The following FOCAD variants were observed in gnomAD, a reference collection of about 807,000 sequenced individuals.
FOCAD encodes the protein focadhesin.
In FOCAD, 198 loss-of-function variants were observed where a neutral mutation model predicts 225.6. The ratio of observed to expected loss-of-function variants is 0.88; its 90% CI spans 0.78 to 0.99. The LOEUF (loss-of-function observed/expected upper bound fraction) is 0.99, where lower values mean the gene tolerates loss of function less well. Ranked by LOEUF, FOCAD falls within the 50% of genes least tolerant of loss-of-function variation. The pLI is 0.00. For missense variants in FOCAD, 2,713 were observed against 2,123.6 expected, an observed-to-expected ratio of 1.28 and a Z score of -5.46; for synonymous variants, 897 against 755.0, an observed-to-expected ratio of 1.19 and a Z score of -3.08.
intron 10 of FOCAD, among the ~76,000 whole-genome samples, chr9:20,788,303 T>G (rs755996922): frequency 2.6e-4 from 40 of 152,120 alleles, no homozygotes; most frequent in Admixed American, 7.9e-4. Context: ...GGAGGAGGGT[T>G]GGGGGAGTAA....
At chr9:20,728,603 C>T (rs1826409570) in intron 4 of FOCAD, among the ~76,000 whole-genome samples, 3 of 152,110 alleles carry the variant, frequency 2.0e-5, no homozygotes, top group Admixed American at 2.0e-4. Flanking sequence ...ATTGTGGCAC[C>T]TTTTTGCATT....
At chr9:20,968,142 G>A (rs557849971) in intron 35 of FOCAD, among the ~76,000 whole-genome samples, 24 of 151,924 alleles carry the variant, frequency 1.6e-4, no homozygotes, top group African/African-American at 4.8e-4. Context: ...ACTTGTTATA[G>A]GTCTGTTAAA....
intron 5 of FOCAD, among the ~76,000 whole-genome samples, chr9:20,747,937 C>T (rs1828199803): frequency 6.7e-6 from 1 of 150,330 alleles, no homozygotes; most frequent in African/African-American, 2.4e-5. Context: ...TATCTACATA[C>T]ATTTCATTAT....
chr9:20,700,117 TAATAG>T (rs1823819060), intron 1 of FOCAD, among the ~76,000 whole-genome samples: 1 of 151,908 alleles, frequency 6.6e-6, no homozygotes, highest in Non-Finnish European at 1.5e-5. Flanking sequence ...GCTAGCTGTA[TAATAG>T]AAGATTAGTA....
chr9:20,769,655 A>T (rs1051026264), intron 7 of FOCAD, among the ~76,000 whole-genome samples: 1 of 152,244 alleles, frequency 6.6e-6, no homozygotes, highest in Non-Finnish European at 1.5e-5. Context: ...ACTATCAGGT[A>T]TCTATGTTGG....
chr9:20,855,048 T>C (rs1015602673), intron 15 of FOCAD, among the ~76,000 whole-genome samples: 2 of 151,700 alleles, frequency 1.3e-5, no homozygotes, highest in African/African-American at 4.8e-5. Flanking sequence ...TTTTTTAATT[T>C]AAAAGGAAAA....
intron 22 of FOCAD, 107 bp from the exon 23 acceptor site, chr9:20,912,759 A>C (rs1833541793): frequency 2.4e-6 from 2 of 819,790 alleles, no homozygotes; most frequent in African/African-American, 3.4e-5. Context: ...TCTTACCCAG[A>C]ACACTTAAGG....
intron 37 of FOCAD, 36 bp downstream of exon 37, chr9:20,978,490 A>T: frequency 1.4e-6 from 2 of 1,398,532 alleles, no homozygotes; most frequent in Middle Eastern, 1.8e-4. Flanking sequence ...CAACAGGAGG[A>T]TATTGTTCTT....
At chr9:20,670,523 G>A (rs1822031384) in intron 2 of FOCAD, among the ~76,000 whole-genome samples, 1 of 152,106 alleles carries the variant, frequency 6.6e-6, no homozygotes, top group Non-Finnish European at 1.5e-5. Flanking sequence ...AGAAAGGGAG[G>A]GAGTGTCACA....
At chr9:20,903,396 C>T (rs1394870295) in intron 21 of FOCAD, among the ~76,000 whole-genome samples, 6 of 151,890 alleles carry the variant, frequency 4.0e-5, no homozygotes, top group Admixed American at 1.3e-4. Flanking sequence ...TTGTTGACGT[C>T]GCGTCTGAGT....
At chr9:20,956,175 A>G (rs1390010260) in intron 35 of FOCAD, among the ~76,000 whole-genome samples, 1 of 152,230 alleles carries the variant, frequency 6.6e-6, no homozygotes, top group Non-Finnish European at 1.5e-5. Context: ...TTTTTGAACT[A>G]TTACCATGAG....
intron 24 of FOCAD, among the ~76,000 whole-genome samples, chr9:20,922,544 T>C (rs1834541458): frequency 6.6e-6 from 1 of 152,206 alleles, no homozygotes; most frequent in South Asian, 2.1e-4. Context: ...ACCCACTGAC[T>C]CAAGTCTTCA....
intron 14 of FOCAD, 65 bp downstream of exon 14, chr9:20,821,136 T>C: frequency 1.3e-6 from 2 of 1,488,554 alleles, no homozygotes; most frequent in Non-Finnish European, 1.8e-6. Context: ...AATTTTTTAA[T>C]TGCAAGCAAG....
chr9:20,927,576 A>G (rs1023043418), intron 26 of FOCAD, among the ~76,000 whole-genome samples: 5 of 150,976 alleles, frequency 3.3e-5, no homozygotes, highest in African/African-American at 4.9e-5. Flanking sequence ...TCATGCTTGT[A>G]TTCTAAGATT....
intron 4 of FOCAD, among the ~76,000 whole-genome samples, chr9:20,734,526 C>T (rs1310399549): frequency 6.6e-6 from 1 of 152,132 alleles, no homozygotes; most frequent in Non-Finnish European, 1.5e-5. Context: ...TGTTTGCAAC[C>T]TTATTAACAG....
At chr9:20,848,894 C>G (rs922623740) in intron 15 of FOCAD, among the ~76,000 whole-genome samples, 2 of 151,660 alleles carry the variant, frequency 1.3e-5, no homozygotes, top group African/African-American at 4.8e-5. Context: ...ATAAATCACA[C>G]TGTGATAAAT....
intron 15 of FOCAD, among the ~76,000 whole-genome samples, chr9:20,833,120 A>T (rs1825674161): frequency 1.3e-5 from 2 of 152,084 alleles, no homozygotes; most frequent in Admixed American, 1.3e-4. Flanking sequence ...CTGCATTCCC[A>T]CCAATAGTGT....
At chr9:20,885,083 T>C in intron 20 of FOCAD, 26 bp from the exon 21 acceptor site, 1 of 1,281,990 alleles carries the variant, frequency 7.8e-7, no homozygotes, top group Non-Finnish European at 1.0e-6. Context: ...AAAAATAAAA[T>C]AAAGTCTATA....
intron 35 of FOCAD, among the ~76,000 whole-genome samples, chr9:20,974,658 A>G (rs4554569): frequency 0.37 from 16,330 of 44,264 alleles, 1,581 homozygotes; most frequent in East Asian, 0.51. Context: ...TGCTGACTCT[A>G]CCCTACTTCC....
Sources: allele counts gnomAD v4.1 joint callset (sites outside exome capture counted in the v4.1 genomes callset), GRCh38; gene constraint gnomAD v4.1.1; transcripts MANE v1.5; gene names NCBI Gene and HGNC (gene_info 2026-07-23, HGNC 2026-07-21).